Variants in PLXNA4 observed in about 807,000 individuals in gnomAD.
The protein encoded by PLXNA4 is plexin A4.
Under a neutral mutation model 191.8 loss-of-function variants are expected in PLXNA4, and 44 were observed. The observed-to-expected ratio is 0.23, with a 90% confidence interval of 0.18 to 0.29. The LOEUF (loss-of-function observed/expected upper bound fraction) is 0.29, where lower values mean the gene tolerates loss of function less well. Ranked by LOEUF, PLXNA4 falls within the 10% of genes least tolerant of loss-of-function variation. The pLI is 1.00. For missense variants in PLXNA4, 1,800 were observed against 2,488.8 expected, an observed-to-expected ratio of 0.72 and a Z score of 5.89; for synonymous variants, 1,082 against 1,009.5, an observed-to-expected ratio of 1.07 and a Z score of -1.36.
At chr7:132,632,652 C>A (rs117973004) in intron 2 of PLXNA4, among the ~76,000 whole-genome samples, 2 of 152,244 alleles carry the variant, frequency 1.3e-5, no homozygotes, top group Non-Finnish European at 2.9e-5. Flanking sequence ...ACAAAATTGC[C>A]AAGTTTATAT....
chr7:132,348,459 C>T (rs1803340419), intron 3 of PLXNA4, among the ~76,000 whole-genome samples: 1 of 152,228 alleles, frequency 6.6e-6, no homozygotes, highest in African/African-American at 2.4e-5. Flanking sequence ...TCCGTCCTCA[C>T]TCCAAACCTG....
At chr7:132,523,437 T>C (rs762907821) in intron 1 of PLXNA4, among the ~76,000 whole-genome samples, 13 of 151,902 alleles carry the variant, frequency 8.6e-5, no homozygotes, top group South Asian at 2.1e-4. Context: ...GAAATGTAAA[T>C]GCAAAGACAC....
At chr7:132,210,264 G>A (rs775162565) in intron 10 of PLXNA4, among the ~76,000 whole-genome samples, 1 of 152,230 alleles carries the variant, frequency 6.6e-6, no homozygotes. Flanking sequence ...GGTGCGAAGG[G>A]AAGTCAGGAA....
intron 4 of PLXNA4, chr7:132,271,069 G>A (rs1176771124): frequency 5.3e-5 from 8 of 152,056 alleles, no homozygotes; most frequent in African/African-American, 1.9e-4. Flanking sequence ...TGCACCAAAA[G>A]ACTGAAGTCA....
intron 3 of PLXNA4, among the ~76,000 whole-genome samples, chr7:132,459,336 C>A (rs779570914): frequency 1.3e-5 from 2 of 152,198 alleles, no homozygotes; most frequent in African/African-American, 2.4e-5. Context: ...ATCTTACATT[C>A]GGGGAAACGA....
At chr7:132,510,675 G>A (rs1019127999) in intron 1 of PLXNA4, among the ~76,000 whole-genome samples, 7 of 152,194 alleles carry the variant, frequency 4.6e-5, no homozygotes, top group Middle Eastern at 3.2e-3. Context: ...AGAGGGCAAG[G>A]AGCAGGCTGC....
intron 3 of PLXNA4, among the ~76,000 whole-genome samples, chr7:132,371,829 G>A (rs937858414): frequency 2.0e-5 from 3 of 152,034 alleles, no homozygotes; most frequent in Admixed American, 1.3e-4. Flanking sequence ...ACACAGTCTA[G>A]ACCACACCTA....
chr7:132,548,224 T>C (rs1447749433), intron 1 of PLXNA4, among the ~76,000 whole-genome samples: 3 of 152,128 alleles, frequency 2.0e-5, no homozygotes, highest in Admixed American at 2.0e-4. Flanking sequence ...GTTGTCATAG[T>C]AGAAAGTGGA....
At chr7:132,369,022 T>C (rs1804313896) in intron 3 of PLXNA4, among the ~76,000 whole-genome samples, 1 of 152,220 alleles carries the variant, frequency 6.6e-6, no homozygotes, top group South Asian at 2.1e-4. Context: ...TTCTCTATCC[T>C]GCCGCACACC....
At chr7:132,310,879 G>A (rs529812994) in intron 3 of PLXNA4, among the ~76,000 whole-genome samples, 41 of 152,276 alleles carry the variant, frequency 2.7e-4, no homozygotes, top group Non-Finnish European at 4.9e-4. Flanking sequence ...AACAGCCCAT[G>A]TTCACCTATG....
chr7:132,280,839 A>G (rs1012640301), intron 4 of PLXNA4, among the ~76,000 whole-genome samples: 4 of 152,212 alleles, frequency 2.6e-5, no homozygotes, highest in Admixed American at 2.0e-4. Flanking sequence ...TACATACTCC[A>G]ATAGCCAGAG....
At chr7:132,242,600 T>G (rs975065632) in intron 4 of PLXNA4, among the ~76,000 whole-genome samples, 1 of 152,230 alleles carries the variant, frequency 6.6e-6, no homozygotes, top group South Asian at 2.1e-4. Context: ...GCGTTCTTAA[T>G]GACCACACTG....
At chr7:132,562,331 TCTC>T (rs1306454100) in intron 1 of PLXNA4, among the ~76,000 whole-genome samples, 11 of 88,884 alleles carry the variant, frequency 1.2e-4, no homozygotes, top group Non-Finnish European at 2.2e-4. Flanking sequence ...TCCTCCTCTC[TCTC>T]CTCCTCCTTC....
intron 3 of PLXNA4, among the ~76,000 whole-genome samples, chr7:132,475,489 G>A (rs954651535): frequency 6.6e-6 from 1 of 152,050 alleles, no homozygotes; most frequent in Non-Finnish European, 1.5e-5. Flanking sequence ...GCCAGGAACC[G>A]CTCTGTCACT....
chr7:132,504,180 G>A (rs1798366152), intron 2 of PLXNA4, among the ~76,000 whole-genome samples: 1 of 152,222 alleles, frequency 6.6e-6, no homozygotes, highest in South Asian at 2.1e-4. Context: ...GAGCTCTCTG[G>A]GGGCTGCAGG....
At chr7:132,573,652 G>A (rs1398974011) in intron 1 of PLXNA4, among the ~76,000 whole-genome samples, 1 of 149,638 alleles carries the variant, frequency 6.7e-6, no homozygotes, top group East Asian at 2.0e-4. Context: ...GGAAGGCACA[G>A]AGAAGGAGAA....
intron 2 of PLXNA4, among the ~76,000 whole-genome samples, chr7:132,585,352 G>T (rs74439520): frequency 0.042 from 6,373 of 152,262 alleles, 337 homozygotes; most frequent in African/African-American, 0.12. Context: ...AAGCTCCATA[G>T]TGTTATTAAT....
chr7:132,254,071 C>A (rs2117093761), intron 4 of PLXNA4, among the ~76,000 whole-genome samples: 1 of 152,262 alleles, frequency 6.6e-6, no homozygotes, highest in African/African-American at 2.4e-5. Context: ...AAATTGATCT[C>A]TATTGTCCTT....
chr7:132,193,939 GA>G (rs1160156605), intron 14 of PLXNA4, 122 bp downstream of exon 14: 1 of 1,277,430 alleles, frequency 7.8e-7, no homozygotes, highest in East Asian at 2.5e-5. Flanking sequence ...CTCATGAACT[GA>G]GGGAGGTTGC....
Sources: gnomAD v4.1 joint callset for allele counts (sites outside exome capture counted in the v4.1 genomes callset) on GRCh38, gnomAD v4.1.1 for gene constraint, MANE v1.5 for transcripts, NCBI Gene and HGNC (gene_info 2026-07-23, HGNC 2026-07-21) for gene names.